The following CR1L variants were observed in gnomAD, a reference collection of about 807,000 sequenced individuals.
The protein encoded by CR1L is complement component receptor 1-like protein.
A neutral mutation model predicts 62.3 loss-of-function variants in CR1L; 59 were observed. That is an observed-to-expected ratio of 0.95 (90% confidence interval 0.77 to 1.18). CR1L has a LOEUF of 1.18. CR1L is among the 50% of genes most tolerant of loss of function. The pLI is 0.00. For synonymous variants in CR1L, 279 were observed against 248.7 expected (o/e 1.12, Z -1.15); for missense variants, 700 against 702.8 (o/e 1.00, Z 0.04).
chr1:207,712,076 C>G (rs1296303212), intron 10 of CR1L, among the ~76,000 whole-genome samples: 3 of 152,248 alleles, frequency 2.0e-5, no homozygotes, highest in Admixed American at 2.0e-4. Flanking sequence ...AGATCGCTGT[C>G]TAGCACCACT....
rs1558018114 is a variant in CR1L at position 207,683,821 on chromosome 1, G to T, written c.378-51G>T. ...TCTCTGGAAGTAGTAATTTAATTGG[G>T]TAGTTGACCTGTGTATTTAGAATGT... On this transcript the variant is annotated intron_variant, in intron 3 of 11. Coordinates refer to ENST00000508064, the MANE Select transcript of CR1L (RefSeq NM_175710.2). 2.6e-6 allele frequency: 4 copies of T among 1,516,404 alleles called. No individual in the cohort carries two copies. In the East Asian group the frequency reaches 6.8e-5, roughly 26 times the overall value. 93.9% of individuals were successfully genotyped at this position (1,516,404 alleles called of 1,614,324 possible).
intron 1 of CR1L, among the ~76,000 whole-genome samples, chr1:207,674,598 G>T (rs555808140): frequency 2.0e-5 from 3 of 152,100 alleles, no homozygotes; most frequent in African/African-American, 7.2e-5. Flanking sequence ...AGGTAATTAA[G>T]GGGAAGGAAC....
intron 1 of CR1L, among the ~76,000 whole-genome samples, chr1:207,667,126 A>C (rs533202396): frequency 6.6e-6 from 1 of 152,202 alleles, no homozygotes; most frequent in Non-Finnish European, 1.5e-5. Flanking sequence ...CATCTTTCTC[A>C]GTTTAAAAAA....
intron 1 of CR1L, 64 bp from the exon 2 acceptor site, chr1:207,677,307 CAAAAAAAAAAAAAAAAAA>C (rs57151160): frequency 1.7e-4 from 85 of 506,356 alleles, no homozygotes; most frequent in Non-Finnish European, 2.0e-4. Flanking sequence ...GACTCTGTCA[CAAAAAAAAAAAAAAAAAA>C]AAAAAAAAAA....
chr1:207,708,198 C>A lies in CR1L; in HGVS notation c.1349C>A (p.Ser450Ter). 6.2e-7 allele frequency: 1 copy of A among 1,611,454 alleles called. No homozygotes were observed. ...CTTGHRLIGH[S>*]SAECILSGNT... ...TTTAGGCACCGACTCATTGGTCACTCATCTGCTGAATGTATCCTCTCGGGC... is the reference window on the plus strand; with the variant it reads ...TTTAGGCACCGACTCATTGGTCACTAATCTGCTGAATGTATCCTCTCGGGC... The change falls in exon 10 of 12, where the codon TCA becomes TAA. Residue 450 changes from serine (S) to a stop codon, truncating the protein, a stop_gained. Transcript: ENST00000508064. LOFTEE classifies it high-confidence loss of function.
intron 1 of CR1L, among the ~76,000 whole-genome samples, chr1:207,649,644 C>T (rs980980035): frequency 1.3e-5 from 2 of 152,130 alleles, no homozygotes; most frequent in African/African-American, 4.8e-5. Flanking sequence ...GGCCTGGGAA[C>T]CTAGTTGACT....
chr1:207,709,904 C>T (rs556708560), intron 10 of CR1L, among the ~76,000 whole-genome samples: 12 of 150,848 alleles, frequency 8.0e-5, no homozygotes, highest in Non-Finnish European at 1.6e-4. Context: ...ATGTTAACTA[C>T]GAAGAGCACA....
At chr1:207,693,962 C>T (rs140633864) in intron 4 of CR1L, among the ~76,000 whole-genome samples, 2 of 152,030 alleles carry the variant, frequency 1.3e-5, no homozygotes, top group East Asian at 1.9e-4. Context: ...TTCTCTCTTC[C>T]CTTATACTTT....
intron 1 of CR1L, among the ~76,000 whole-genome samples, chr1:207,660,720 CT>C (rs1382222433): frequency 1.3e-5 from 2 of 152,130 alleles, no homozygotes; most frequent in African/African-American, 4.8e-5. Context: ...TTCTCTAGTT[CT>C]TTTAATTGTG....
chr1:207,672,555 A>G (rs764780286), intron 1 of CR1L, among the ~76,000 whole-genome samples: 12 of 151,994 alleles, frequency 7.9e-5, no homozygotes, highest in Middle Eastern at 3.2e-3. Flanking sequence ...ACTCAACAGC[A>G]CCATCAATCC....
chr1:207,712,984 T>C (rs538319358), intron 10 of CR1L, among the ~76,000 whole-genome samples: 22 of 152,218 alleles, frequency 1.4e-4, no homozygotes, highest in African/African-American at 5.1e-4. Context: ...TATGGAAGGG[T>C]AGTTTTGAAA....
intron 4 of CR1L, among the ~76,000 whole-genome samples, chr1:207,690,548 A>T (rs1279775496): frequency 1.3e-5 from 2 of 152,222 alleles, no homozygotes; most frequent in African/African-American, 4.8e-5. Context: ...TTTAGAACAG[A>T]CTTTTTTTCT....
intron 1 of CR1L, among the ~76,000 whole-genome samples, chr1:207,671,556 A>G (rs151072962): frequency 4.0e-5 from 6 of 151,040 alleles, no homozygotes; most frequent in Admixed American, 3.9e-4. Context: ...GCAACTACTG[A>G]AAAAAGTGAA....
Position 207,694,854 on chromosome 1 carries a change from G to T in CR1L, c.862+103G>T, listed in dbSNP as rs191573576. The T allele has an allele frequency of 2.5e-5, 39 of 1,564,886 alleles. No individual in the cohort carries two copies. In the African/African-American group the frequency reaches 5.3e-4, roughly 21 times the overall value. On this transcript the variant is annotated intron_variant, in intron 5 of 11. Coordinates refer to ENST00000508064, the MANE Select transcript of CR1L (RefSeq NM_175710.2). Reference sequence around the variant, plus strand: ...GGGGGAGGGATTTGTGCTGAGCAGGGTCGAGAAGCAAATTTTCTAGGTAGT... The same window carrying T: ...GGGGGAGGGATTTGTGCTGAGCAGGTTCGAGAAGCAAATTTTCTAGGTAGT...
intron 11 of CR1L, among the ~76,000 whole-genome samples, chr1:207,723,310 T>C (rs779983386): frequency 4.0e-5 from 6 of 151,738 alleles, no homozygotes; most frequent in Non-Finnish European, 7.4e-5. Context: ...CGTGCCTGTT[T>C]TCCCAGCTAC....
chr1:207,665,808 C>T (rs960123605), intron 1 of CR1L, among the ~76,000 whole-genome samples: 2 of 152,198 alleles, frequency 1.3e-5, no homozygotes, highest in Middle Eastern at 3.2e-3. Context: ...ATAAGAAACA[C>T]ACGTAGCCTT....
At chr1:207,682,165 A>G (rs1241608135) in intron 3 of CR1L, among the ~76,000 whole-genome samples, 1 of 152,112 alleles carries the variant, frequency 6.6e-6, no homozygotes, top group Non-Finnish European at 1.5e-5. Context: ...TTAATTGATT[A>G]ATTAATTTTA....
Position 207,701,423 on chromosome 1 carries a change from T to C in CR1L, c.1229-96T>C. On this transcript the variant is annotated intron_variant, in intron 8 of 11. Coordinates refer to ENST00000508064, the MANE Select transcript of CR1L (RefSeq NM_175710.2). Reference sequence around the variant, plus strand: ...AATCTGTGGAACTATCAGAACTGCGTGTTTTCTTCAGGAAGCTACATGCAG... The same window carrying C: ...AATCTGTGGAACTATCAGAACTGCGCGTTTTCTTCAGGAAGCTACATGCAG... 3.4e-6 allele frequency: 5 copies of C among 1,477,188 alleles called. No individual in the cohort carries two copies. The East Asian group carries it at 9.2e-5, about 27-fold the overall frequency. 91.5% of individuals were successfully genotyped at this position (1,477,188 alleles called of 1,614,324 possible).
intron 5 of CR1L, 47 bp downstream of exon 5, chr1:207,694,798 G>C (rs1339895283): frequency 6.2e-7 from 1 of 1,611,414 alleles, no homozygotes; most frequent in Admixed American, 1.7e-5. Context: ...GACATGCATT[G>C]CTGTTGGATC....
Sources: allele counts gnomAD v4.1 joint callset (sites outside exome capture counted in the v4.1 genomes callset), GRCh38; gene constraint gnomAD v4.1.1; transcripts MANE v1.5; gene names NCBI Gene and HGNC (gene_info 2026-07-23, HGNC 2026-07-21).